Variants in MYT1L observed in about 807,000 individuals in gnomAD.
MYT1L encodes myelin transcription factor 1-like protein.
MYT1L carries 12 observed loss-of-function variants against 126.7 expected under a neutral mutation model. The ratio of observed to expected loss-of-function variants is 0.09; its 90% CI spans 0.06 to 0.15. MYT1L has a LOEUF of 0.15. Ranked by LOEUF, MYT1L falls within the 10% of genes least tolerant of loss-of-function variation. The pLI, the probability that MYT1L is intolerant of heterozygous loss-of-function variation, is 1.00. For synonymous variants in MYT1L, 541 were observed against 604.2 expected, an observed-to-expected ratio of 0.90 and a Z score of 1.53; for missense variants, 979 against 1,585.2, an observed-to-expected ratio of 0.62 and a Z score of 6.49.
chr2:2,248,834 A>G (rs2094582508), intron 2 of MYT1L, among the ~76,000 whole-genome samples: 1 of 152,200 alleles, frequency 6.6e-6, no homozygotes, highest in African/African-American at 2.4e-5. Flanking sequence ...GCTTTATGAT[A>G]AAATCCCTCA....
intron 18 of MYT1L, among the ~76,000 whole-genome samples, chr2:1,875,683 G>A (rs1414105414): frequency 6.6e-6 from 1 of 152,216 alleles, no homozygotes; most frequent in Non-Finnish European, 1.5e-5. Context: ...GGGGATCGAT[G>A]AGCGGAAGCA....
In MYT1L at chr2:1,868,910, TC is replaced by T. The variant is rs1035013882; in HGVS notation, c.2712-17208del. Among the ~76,000 whole-genome samples, 9 of 152,244 alleles carry T rather than the reference TC, an allele frequency of 5.9e-5. No homozygotes were observed. The East Asian group carries it at 1.4e-3, about 23-fold the overall frequency. ...AGGTGTGGTGGCCATGGGAGTGGGC[TC>T]CCGGGAGAGGGGAAGGCCTCTCAGT... On this transcript the variant is annotated intron_variant, in intron 18 of 24. Coordinates refer to ENST00000647738, the MANE Select transcript of MYT1L (RefSeq NM_001303052.2).
intron 1 of MYT1L, among the ~76,000 whole-genome samples, chr2:2,296,366 A>AT (rs141958866): frequency 0.037 from 5,687 of 151,718 alleles, 216 homozygotes; most frequent in African/African-American, 0.096. Context: ...TAGATCATTT[A>AT]TTTTTTTTTA....
chr2:2,150,732 C>T (rs752374888), intron 3 of MYT1L, among the ~76,000 whole-genome samples: 4 of 151,704 alleles, frequency 2.6e-5, no homozygotes, highest in Non-Finnish European at 4.4e-5. Flanking sequence ...TACAAAGATT[C>T]GAAATGTACA....
chr2:2,299,105 G>T (rs1339318046), intron 1 of MYT1L, among the ~76,000 whole-genome samples: 1 of 152,114 alleles, frequency 6.6e-6, no homozygotes, highest in Non-Finnish European at 1.5e-5. Context: ...ATCCGCCTTG[G>T]CCTCCCAAAG....
intron 2 of MYT1L, among the ~76,000 whole-genome samples, chr2:2,211,353 CT>C (rs1269712134): frequency 6.6e-6 from 1 of 152,084 alleles, no homozygotes; most frequent in African/African-American, 2.4e-5. Context: ...GTAATTCTTT[CT>C]TACTAATTGT....
At chr2:2,096,508 A>G (rs1222519042) in intron 3 of MYT1L, among the ~76,000 whole-genome samples, 1 of 152,192 alleles carries the variant, frequency 6.6e-6, no homozygotes, top group Non-Finnish European at 1.5e-5. Flanking sequence ...AACTCAGGGG[A>G]GATCTTCCAA....
intron 18 of MYT1L, among the ~76,000 whole-genome samples, chr2:1,880,114 C>T (rs1006920994): frequency 2.6e-5 from 4 of 152,190 alleles, no homozygotes; most frequent in African/African-American, 4.8e-5. Context: ...TGAGTTCAAT[C>T]AAGCCACCAT....
At chr2:2,185,854 G>A (rs1185456518) in intron 2 of MYT1L, among the ~76,000 whole-genome samples, 1 of 130,904 alleles carries the variant, frequency 7.6e-6, no homozygotes, top group African/African-American at 3.1e-5. Context: ...ACGCAGCCGG[G>A]CCTCCCAGAC....
In MYT1L at chr2:1,791,561, T is replaced by A. The variant is rs1357351013; in HGVS notation, c.*306A>T. The A allele has an allele frequency of 2.7e-6, 1 of 372,568 alleles. No individual in the cohort carries two copies. Among genetic ancestry groups the A allele is most frequent in the Non-Finnish European group, 4.9e-6 (1 of 202,370 alleles). The allele number at this position is 372,568 out of a possible 1,614,324, so 23.1% of individuals were successfully genotyped here. ...TTAAAAAGAATTTACACTCTATTTATTTTGATCAGCTTACCTCTTCAGAAA... is the reference window on the plus strand; with the variant it reads ...TTAAAAAGAATTTACACTCTATTTAATTTGATCAGCTTACCTCTTCAGAAA... On this transcript the variant is annotated 3_prime_UTR_variant, in exon 25 of 25. Transcript: ENST00000647738. The surrounding 1 kb of genome is among the most constrained non-coding windows in gnomAD (Gnocchi z 6.0).
chr2:2,116,023 G>A (rs541548016), intron 3 of MYT1L, among the ~76,000 whole-genome samples: 2 of 151,456 alleles, frequency 1.3e-5, no homozygotes, highest in South Asian at 4.2e-4. Context: ...AGGCTGAGAA[G>A]TAGGATGCAC....
At chr2:1,809,514 T>C (rs2036254443) in intron 21 of MYT1L, among the ~76,000 whole-genome samples, 1 of 152,152 alleles carries the variant, frequency 6.6e-6, no homozygotes, top group Non-Finnish European at 1.5e-5. Context: ...AGTGATAATA[T>C]TGCTTAAAAA....
intron 4 of MYT1L, among the ~76,000 whole-genome samples, chr2:2,017,847 A>G (rs2149805545): frequency 6.6e-6 from 1 of 152,240 alleles, no homozygotes; most frequent in African/African-American, 2.4e-5. Context: ...ACTGCATTTC[A>G]ATTTCTTTTA....
At chr2:2,093,468 T>G (rs1040005075) in intron 3 of MYT1L, among the ~76,000 whole-genome samples, 3 of 152,212 alleles carry the variant, frequency 2.0e-5, no homozygotes, top group South Asian at 2.1e-4. Context: ...TCATGTGTCT[T>G]TTGGCTGCAT....
Position 1,937,415 on chromosome 2 carries a change from G to A in MYT1L, c.505+5567C>T, listed in dbSNP as rs182431884. 5.9e-3 allele frequency among the ~76,000 whole-genome samples: 893 copies of A among 151,630 alleles called. 15 individuals are homozygous for A. Among genetic ancestry groups the A allele is most frequent in the African/African-American group, 0.019 (803 of 41,304 alleles). ...GATCGCACAGCGAGAAAGCCCTAACGTCTGCGGCCATCAGATCGTACATCG... is the reference window on the plus strand; with the variant it reads ...GATCGCACAGCGAGAAAGCCCTAACATCTGCGGCCATCAGATCGTACATCG... On this transcript the variant is annotated intron_variant, in intron 9 of 24. Coordinates refer to ENST00000647738, the MANE Select transcript of MYT1L (RefSeq NM_001303052.2).
At chr2:2,132,293 G>C (rs1261419208) in intron 3 of MYT1L, among the ~76,000 whole-genome samples, 1 of 152,076 alleles carries the variant, frequency 6.6e-6, no homozygotes, top group Non-Finnish European at 1.5e-5. Context: ...GTTTATTGCA[G>C]CACTATTTAC....
At chr2:2,241,499 G>A (rs17338400) in intron 2 of MYT1L, among the ~76,000 whole-genome samples, 12,818 of 152,262 alleles carry the variant, frequency 0.084, 603 homozygotes, top group South Asian at 0.14. Context: ...CGGCCCTGCA[G>A]AAAACTCAGC....
chr2:2,266,190 G>A (rs1007386274), intron 2 of MYT1L, among the ~76,000 whole-genome samples: 2 of 152,182 alleles, frequency 1.3e-5, no homozygotes, highest in Non-Finnish European at 1.5e-5. Flanking sequence ...TCAAGGAAGC[G>A]AATAACTCCA....
chr2:2,129,320 A>G (rs2082078002), intron 3 of MYT1L, among the ~76,000 whole-genome samples: 1 of 152,254 alleles, frequency 6.6e-6, no homozygotes, highest in Non-Finnish European at 1.5e-5. Flanking sequence ...CTGCTGAACA[A>G]TTAGGCAAAT....
Sources: allele counts gnomAD v4.1 joint callset (sites outside exome capture counted in the v4.1 genomes callset), GRCh38; gene constraint gnomAD v4.1.1; non-coding constraint Gnocchi (gnomAD v3.1); transcripts MANE v1.5; gene names NCBI Gene and HGNC (gene_info 2026-07-23, HGNC 2026-07-21).